The following CEP63 variants were observed in gnomAD, a reference collection of about 807,000 sequenced individuals.
CEP63 encodes the protein centrosomal protein 63.
CEP63 carries 84 observed loss-of-function variants against 89.1 expected under a neutral mutation model. The observed-to-expected ratio is 0.94, with a 90% confidence interval of 0.79 to 1.13. The LOEUF (loss-of-function observed/expected upper bound fraction) is 1.13. Among genes scored for constraint, CEP63 ranks in the 50% most tolerant of loss-of-function variants. The pLI, the probability that CEP63 is intolerant of heterozygous loss-of-function variation, is 0.00. For synonymous variants in CEP63, 267 were observed against 272.5 expected, an observed-to-expected ratio of 0.98 and a Z score of 0.20; for missense variants, 838 against 813.3, an observed-to-expected ratio of 1.03 and a Z score of -0.37.
chr3:134,771,292 G>A, the CEP63 span, among the ~76,000 whole-genome samples: 2 of 152,316 alleles, frequency 1.3e-5, no homozygotes, highest in East Asian at 3.9e-4. Context: ...AAAAGGATGA[G>A]TTCATATTCT....
chr3:134,687,944 A>G, the CEP63 span, among the ~76,000 whole-genome samples: 1 of 152,246 alleles, frequency 6.6e-6, no homozygotes, highest in Admixed American at 6.5e-5. Flanking sequence ...GAGCAAATGG[A>G]TTCCTCACGC....
chr3:134,592,573 C>T (rs910320956), downstream of CEP63, among the ~76,000 whole-genome samples: 1 of 147,956 alleles, frequency 6.8e-6, no homozygotes, highest in Non-Finnish European at 1.5e-5. Context: ...CTGGTCTTTT[C>T]ACTGGGGTGG....
At chr3:134,604,001 C>T in the CEP63 span, 447 of 1,613,752 alleles carry the variant, frequency 2.8e-4, 2 homozygotes, top group Non-Finnish European at 7.8e-5. Flanking sequence ...ACTTTCAGCT[C>T]GGTCTGCTTC....
intron 4 of CEP63, 59 bp from the exon 5 acceptor site, chr3:134,532,719 C>A: frequency 1.4e-6 from 2 of 1,423,646 alleles, no homozygotes; most frequent in Middle Eastern, 2.2e-4. Context: ...ACCAATTTGT[C>A]TCACCACTAC....
chr3:134,619,376 G>T, the CEP63 span: 1 of 785,362 alleles, frequency 1.3e-6, no homozygotes, highest in Non-Finnish European at 2.3e-6. Flanking sequence ...AACTACAGTG[G>T]GCTGAATGGA....
chr3:134,554,860 T>C (rs910765133), intron 12 of CEP63, among the ~76,000 whole-genome samples: 2 of 152,012 alleles, frequency 1.3e-5, no homozygotes, highest in African/African-American at 2.4e-5. Flanking sequence ...TTTCATGTGT[T>C]TTTTGGCTGC....
At chr3:134,610,056 G>T in the CEP63 span, 1 of 895,624 alleles carries the variant, frequency 1.1e-6, no homozygotes, top group Non-Finnish European at 1.7e-6. Flanking sequence ...CCACTTCAGA[G>T]CCGAGGAGGA....
At chr3:134,508,803 A>G (rs1286632920) in intron 3 of CEP63, among the ~76,000 whole-genome samples, 1 of 152,172 alleles carries the variant, frequency 6.6e-6, no homozygotes, top group Non-Finnish European at 1.5e-5. Context: ...GGGGACATAC[A>G]AGAAATTTAG....
At chr3:134,577,094 G>A (rs545842504), downstream of CEP63, among the ~76,000 whole-genome samples, 7 of 152,244 alleles carry the variant, frequency 4.6e-5, no homozygotes, top group Non-Finnish European at 8.8e-5. Context: ...GGGAGTGGGG[G>A]CCCAGCAGGA....
chr3:134,615,144 C>T, the CEP63 span: 11 of 152,308 alleles, frequency 7.2e-5, no homozygotes, highest in South Asian at 4.1e-4. Flanking sequence ...CTTACAGCTA[C>T]GTCAATAACT....
At chr3:134,664,300 C>A in the CEP63 span, among the ~76,000 whole-genome samples, 127 of 152,332 alleles carry the variant, frequency 8.3e-4, no homozygotes, top group Non-Finnish European at 1.5e-3. Context: ...AGCAATCACA[C>A]CCTCTGTCCA....
chr3:134,639,475 G>A, the CEP63 span, among the ~76,000 whole-genome samples: 1 of 152,206 alleles, frequency 6.6e-6, no homozygotes, highest in Non-Finnish European at 1.5e-5. Flanking sequence ...GAAAACAAAG[G>A]ACCATTCATG....
intron 6 of CEP63, 82 bp downstream of exon 6, chr3:134,537,350 C>A: frequency 2.3e-6 from 2 of 880,114 alleles, no homozygotes; most frequent in Non-Finnish European, 3.8e-6. Context: ...TGTCCTAGTA[C>A]CATTTAGCCT....
At chr3:134,565,788 A>G (rs1957729942), downstream of CEP63, among the ~76,000 whole-genome samples, 2 of 152,248 alleles carry the variant, frequency 1.3e-5, no homozygotes, top group South Asian at 2.1e-4. Flanking sequence ...AAAAAAAAAA[A>G]AAATCATAGA....
At chr3:134,748,356 G>C in the CEP63 span, among the ~76,000 whole-genome samples, 1 of 151,926 alleles carries the variant, frequency 6.6e-6, no homozygotes, top group African/African-American at 2.4e-5. Flanking sequence ...ATCTAAATTA[G>C]TACAACAATT....
intron 3 of CEP63, chr3:134,510,585 T>A (rs566497158): frequency 1.7e-6 from 1 of 594,238 alleles, no homozygotes; most frequent in Admixed American, 2.5e-5. Context: ...GGGGCACAAC[T>A]TACTGTCTTC....
the CEP63 span, among the ~76,000 whole-genome samples, chr3:134,649,154 C>A: frequency 6.6e-6 from 1 of 152,190 alleles, no homozygotes; most frequent in Non-Finnish European, 1.5e-5. Flanking sequence ...TCATTCATAG[C>A]ATCGGTGAGA....
chr3:134,674,081 G>A, the CEP63 span, among the ~76,000 whole-genome samples: 40,117 of 152,126 alleles, frequency 0.26, 5,447 homozygotes, highest in African/African-American at 0.32. Flanking sequence ...ATGAGAACCT[G>A]ACCCTGACTT....
the CEP63 span, among the ~76,000 whole-genome samples, chr3:134,744,725 C>T: frequency 1.3e-5 from 2 of 152,022 alleles, no homozygotes; most frequent in African/African-American, 4.8e-5. Context: ...AACTTCTTGC[C>T]CAGGCTGGTC....
Sources: allele counts gnomAD v4.1 joint callset (sites outside exome capture counted in the v4.1 genomes callset), GRCh38; gene constraint gnomAD v4.1.1; transcripts MANE v1.5; gene names NCBI Gene and HGNC (gene_info 2026-07-23, HGNC 2026-07-21).